The following SLC25A46 variants were observed in gnomAD, a reference collection of about 807,000 sequenced individuals.
The protein encoded by SLC25A46 is mitochondrial outer membrane protein SLC25A46.
SLC25A46 carries 39 observed loss-of-function variants against 44.6 expected under a neutral mutation model. That is an observed-to-expected ratio of 0.87 (90% CI 0.68 to 1.14). SLC25A46 has a LOEUF of 1.14. SLC25A46 is among the 50% of genes most tolerant of loss of function. The probability of loss-of-function intolerance (pLI) is 0.00; values close to 1 mark genes in which losing one functional copy is unlikely to be tolerated. For synonymous variants in SLC25A46, 202 were observed against 185.8 expected (o/e 1.09, Z -0.71); for missense variants, 547 against 522.7 (o/e 1.05, Z -0.45).
In SLC25A46 at chr5:110,761,755, C is replaced by CTCTACACT. The variant is rs773438460; in HGVS notation, c.1234_1241dup (p.Gln415HisfsTer10). On this transcript the variant is annotated frameshift_variant, in exon 8 of 8. Transcript: ENST00000355943. LOFTEE classifies it high-confidence loss of function. The surrounding 1 kb of genome is among the most constrained non-coding windows in gnomAD (Gnocchi z 5.3). ...TTTTACAGATTACCAAAATTATTTA[C>CTCTACACT]TCTACACTTCTTCAAAATAACATTT... 1 of 1,610,784 alleles carries CTCTACACT rather than the reference C, an allele frequency of 6.2e-7. No homozygotes were observed. Among genetic ancestry groups the CTCTACACT allele is most frequent in the Admixed American group, 1.7e-5 (1 of 59,722 alleles).
At position 110,739,137 on chromosome 5, in the gene SLC25A46, G is replaced by T; in HGVS notation, c.18G>T (p.Pro6=). ...CCGCTGCGATGCATCCGCGGCGCCC[G>T]GACGGATTTGATGGCTTGGGCTACC... The part of the protein sequence containing the change: MHPRR[P]DGFDGLGYRG... Residue 6 remains proline, a synonymous_variant, in exon 1 of 8, where the codon CCG becomes CCT. Coordinates refer to ENST00000355943, the MANE Select transcript of SLC25A46 (RefSeq NM_138773.4). The T allele has an allele frequency of 6.5e-7, 1 of 1,548,520 alleles. No individual in the cohort carries two copies.
intron 5 of SLC25A46, among the ~76,000 whole-genome samples, chr5:110,751,884 GT>G (rs1373018622): frequency 3.3e-5 from 5 of 152,078 alleles, no homozygotes; most frequent in Non-Finnish European, 7.4e-5. Flanking sequence ...AAATGAAGCT[GT>G]TTTTTTGAAG....
Position 110,742,730 on chromosome 5 carries a change from C to T in SLC25A46, c.326+641C>T, listed in dbSNP as rs555662029. On this transcript the variant is annotated intron_variant, in intron 2 of 7. Coordinates refer to ENST00000355943, the MANE Select transcript of SLC25A46 (RefSeq NM_138773.4). ...TTGTGCATGGAGGCTTCTTTCTAAA[C>T]ACTCTAATGCTTACAAGATATTTAG... 1.8e-3 allele frequency among the ~76,000 whole-genome samples: 268 copies of T among 152,182 alleles called. 2 individuals carry two copies. The highest frequency in any genetic ancestry group is 6.1e-3 in the African/African-American group (254 of 41,574).
chr5:110,751,172 T>C (rs540111021), intron 5 of SLC25A46, among the ~76,000 whole-genome samples: 1 of 152,154 alleles, frequency 6.6e-6, no homozygotes, highest in East Asian at 1.9e-4. Context: ...GGTTCTGTGC[T>C]AAAAACCGGG....
chr5:110,738,547 T>C (rs1435227519), upstream of SLC25A46, among the ~76,000 whole-genome samples: 1 of 152,026 alleles, frequency 6.6e-6, no homozygotes, highest in Non-Finnish European at 1.5e-5. Flanking sequence ...TATCTCTCAA[T>C]AGATTTGATC....
chr5:110,743,914 T>C, intron 3 of SLC25A46, 127 bp downstream of exon 3: 2 of 618,510 alleles, frequency 3.2e-6, no homozygotes, highest in Middle Eastern at 3.9e-4. Context: ...CTTTTTGGTC[T>C]CAAAACCTCT....
intron 3 of SLC25A46, chr5:110,745,801 T>C (rs1188499900): frequency 6.5e-6 from 1 of 152,680 alleles, no homozygotes; most frequent in Non-Finnish European, 1.5e-5. Flanking sequence ...AACAAATATA[T>C]TATTTTTAAA....
At position 110,764,234 on chromosome 5, in the gene SLC25A46, G is replaced by A. The variant is rs879809508; in HGVS notation, c.*2452G>A. ...TGTAGGGTTTCTTAATTTGAGTCAA[G>A]TACACTGAAAGCAATTAAAAACTGG... On this transcript the variant is annotated 3_prime_UTR_variant, in exon 8 of 8. Coordinates refer to ENST00000355943, the MANE Select transcript of SLC25A46 (RefSeq NM_138773.4). 3 of 151,700 alleles carry A rather than the reference G, an allele frequency of 2.0e-5. No homozygotes were observed. Among genetic ancestry groups the A allele is most frequent in the Non-Finnish European group, 4.4e-5 (3 of 67,814 alleles). 9.4% of individuals were successfully genotyped at this position (151,700 alleles called of 1,614,324 possible). A position where few individuals can be genotyped will look rare whatever the true frequency, so the allele number is the denominator to read the frequency against.
chr5:110,742,584 T>C (rs1178698830), intron 2 of SLC25A46, among the ~76,000 whole-genome samples: 1 of 152,090 alleles, frequency 6.6e-6, no homozygotes, highest in East Asian at 1.9e-4. Context: ...GATATTAATA[T>C]TGTGTATTAT....
chr5:110,760,348 G>C (rs970533032), intron 7 of SLC25A46, among the ~76,000 whole-genome samples: 2 of 152,034 alleles, frequency 1.3e-5, no homozygotes. Flanking sequence ...AGTAACTTTT[G>C]AACTGGTTTC....
chr5:110,759,447 G>A (rs183436379), intron 7 of SLC25A46, among the ~76,000 whole-genome samples: 10 of 152,146 alleles, frequency 6.6e-5, no homozygotes, highest in African/African-American at 2.4e-4. Context: ...GGATGCCGAT[G>A]TGGCTGGTGC....
At chr5:110,749,732 T>G (rs568053397) in intron 5 of SLC25A46, among the ~76,000 whole-genome samples, 18 of 151,764 alleles carry the variant, frequency 1.2e-4, no homozygotes, top group Admixed American at 7.9e-4. Context: ...GGTGAAAAAA[T>G]GATAAGCATT....
At chr5:110,754,221 C>G (rs1028752449) in intron 5 of SLC25A46, 1 of 151,350 alleles carries the variant, frequency 6.6e-6, no homozygotes, top group African/African-American at 2.4e-5. Flanking sequence ...TAGATTCCTG[C>G]TGTAGCCATA....
intron 1 of SLC25A46, 60 bp downstream of exon 1, chr5:110,739,462 T>C (rs1799561326): frequency 1.3e-6 from 2 of 1,493,814 alleles, no homozygotes; most frequent in Non-Finnish European, 1.8e-6. Context: ...GCTTGCGGCC[T>C]GCAGACCCCG....
intron 5 of SLC25A46, chr5:110,754,652 C>A (rs1419979357): frequency 1.3e-5 from 2 of 151,778 alleles, no homozygotes; most frequent in African/African-American, 4.8e-5. Flanking sequence ...TTGCCTGTTT[C>A]CTTTGAACAT....
At chr5:110,757,261 C>G (rs1800140390) in intron 7 of SLC25A46, among the ~76,000 whole-genome samples, 1 of 152,064 alleles carries the variant, frequency 6.6e-6, no homozygotes, top group South Asian at 2.1e-4. Flanking sequence ...AAAGCTGAAG[C>G]AATTTTCTGC....
chr5:110,752,330 C>T (rs1413088141), intron 5 of SLC25A46, among the ~76,000 whole-genome samples: 2 of 152,124 alleles, frequency 1.3e-5, no homozygotes, highest in East Asian at 3.9e-4. Context: ...CTAAACCCTT[C>T]CCTGTTCTCT....
Position 110,762,191 on chromosome 5 carries a change from A to G in SLC25A46, c.*409A>G, listed in dbSNP as rs80053585. 4,703 of 162,140 alleles carry G rather than the reference A, an allele frequency of 0.029. 250 individuals carry two copies. The highest frequency in any genetic ancestry group is 0.11 in the African/African-American group (4,453 of 41,536). 10.0% of individuals were successfully genotyped at this position (162,140 alleles called of 1,614,324 possible). A position where few individuals can be genotyped will look rare whatever the true frequency, so the allele number is the denominator to read the frequency against. ...TATAGTATCCTTAATACAGTGTAGTATATTAATGTCCTTAATACAATCAGG... is the reference window on the plus strand; with the variant it reads ...TATAGTATCCTTAATACAGTGTAGTGTATTAATGTCCTTAATACAATCAGG... On this transcript the variant is annotated 3_prime_UTR_variant, in exon 8 of 8. Transcript: ENST00000355943.
intron 3 of SLC25A46, among the ~76,000 whole-genome samples, chr5:110,744,940 C>T (rs1799779902): frequency 6.6e-6 from 1 of 152,126 alleles, no homozygotes; most frequent in African/African-American, 2.4e-5. Context: ...ATAAAATTAA[C>T]ATTTTGTTAC....
Sources: allele counts gnomAD v4.1 joint callset (sites outside exome capture counted in the v4.1 genomes callset), GRCh38; gene constraint gnomAD v4.1.1; non-coding constraint Gnocchi (gnomAD v3.1); transcripts MANE v1.5; gene names NCBI Gene and HGNC (gene_info 2026-07-23, HGNC 2026-07-21).